Variants in UIMC1 observed in about 807,000 individuals in gnomAD.
UIMC1 encodes the protein BRCA1-A complex subunit RAP80.
UIMC1 carries 42 observed loss-of-function variants against 84.9 expected under a neutral mutation model. That is an observed-to-expected ratio of 0.49 (90% CI 0.39 to 0.64). UIMC1 has a LOEUF of 0.64. UIMC1 is among the 30% of genes least tolerant of loss of function. UIMC1 has a pLI of 0.00. For missense variants in UIMC1, 825 were observed against 847.6 expected (o/e 0.97, Z 0.33); for synonymous variants, 281 against 293.0 (o/e 0.96, Z 0.42).
intron 1 of UIMC1, among the ~76,000 whole-genome samples, chr5:177,004,010 T>G (rs1440249427): frequency 6.6e-6 from 1 of 152,148 alleles, no homozygotes; most frequent in African/African-American, 2.4e-5. Flanking sequence ...TTGTATTTTT[T>G]GTAGAGACTG....
chr5:176,913,004 TC>T (rs957238255), intron 10 of UIMC1, among the ~76,000 whole-genome samples: 5 of 152,128 alleles, frequency 3.3e-5, no homozygotes, highest in African/African-American at 9.7e-5. Context: ...GAAATTCACT[TC>T]CCCCTAGGGA....
chr5:176,989,302 A>G (rs907973493), intron 1 of UIMC1, among the ~76,000 whole-genome samples: 11 of 152,160 alleles, frequency 7.2e-5, no homozygotes, highest in Non-Finnish European at 1.3e-4. Context: ...AAAACTCGAC[A>G]CACAAACGTC....
At chr5:176,973,047 T>C (rs1386098605) in intron 3 of UIMC1, among the ~76,000 whole-genome samples, 2 of 151,596 alleles carry the variant, frequency 1.3e-5, no homozygotes, top group Non-Finnish European at 2.9e-5. Context: ...TCCGAAGTAG[T>C]TGGGATTATA....
chr5:176,982,489 T>C lies in UIMC1; in HGVS notation c.127A>G (p.Ile43Val). The C allele has an allele frequency of 1.2e-6, 2 of 1,613,842 alleles. No individual in the cohort carries two copies. Among genetic ancestry groups the C allele is most frequent in the Non-Finnish European group, 1.7e-6 (2 of 1,179,952 alleles). The change falls in exon 2 of 15, where the codon ATA (isoleucine) becomes GTA (valine). Residue 43 changes from isoleucine to valine, a missense_variant. Physicochemically the swap from Ile to Val is conservative, Grantham distance 29. Coordinates refer to ENST00000511320, the MANE Select transcript of UIMC1 (RefSeq NM_001199298.2). ...KRRLEDAFIV[I>V]SDSDGEEPKE... ...CTAACCTCTCCATCACTATCGGATA[T>C]CACAATGAATGCATCCTCAAGTCTA...
chr5:176,979,617 A>G (rs1421554399), intron 2 of UIMC1, among the ~76,000 whole-genome samples: 1 of 151,884 alleles, frequency 6.6e-6, no homozygotes, highest in African/African-American at 2.4e-5. Context: ...AAAAAAAAAG[A>G]AAGGTGGAAA....
intron 1 of UIMC1, among the ~76,000 whole-genome samples, chr5:177,018,654 G>C (rs1775724076): frequency 6.6e-6 from 1 of 152,146 alleles, no homozygotes; most frequent in Non-Finnish European, 1.5e-5. Context: ...GCACTGCCAG[G>C]TCCCAGCAAG....
intron 9 of UIMC1, among the ~76,000 whole-genome samples, chr5:176,944,128 A>C (rs942856533): frequency 6.6e-6 from 1 of 152,214 alleles, no homozygotes; most frequent in Non-Finnish European, 1.5e-5. Flanking sequence ...AAAGAGCTCT[A>C]AGCCAAAAAC....
chr5:176,935,727 T>C (rs1001686512), intron 10 of UIMC1, among the ~76,000 whole-genome samples: 4 of 152,200 alleles, frequency 2.6e-5, no homozygotes, highest in Non-Finnish European at 5.9e-5. Flanking sequence ...CTTTGTCTAA[T>C]TTAAGAAATA....
At chr5:176,981,737 G>A (rs552483627) in intron 2 of UIMC1, among the ~76,000 whole-genome samples, 2 of 151,984 alleles carry the variant, frequency 1.3e-5, no homozygotes, top group Admixed American at 6.6e-5. Flanking sequence ...GGAGTGAGCT[G>A]AGCTAACACC....
At chr5:176,965,818 C>T (rs1768209280) in intron 6 of UIMC1, among the ~76,000 whole-genome samples, 1 of 152,214 alleles carries the variant, frequency 6.6e-6, no homozygotes, top group African/African-American at 2.4e-5. Flanking sequence ...TGACACAACA[C>T]AGAACTTGAC....
At chr5:176,986,489 C>T (rs1389524772) in intron 1 of UIMC1, among the ~76,000 whole-genome samples, 2 of 143,830 alleles carry the variant, frequency 1.4e-5, no homozygotes, top group African/African-American at 5.2e-5. Context: ...ATGATCATGC[C>T]GATGAACTTC....
chr5:176,919,755 T>C (rs1761467197), intron 10 of UIMC1, among the ~76,000 whole-genome samples: 1 of 152,230 alleles, frequency 6.6e-6, no homozygotes, highest in African/African-American at 2.4e-5. Flanking sequence ...TGCCTTGTTT[T>C]CCCCCACTGA....
chr5:176,923,900 G>GACACACACACAC (rs35583665), intron 10 of UIMC1, among the ~76,000 whole-genome samples: 2 of 145,584 alleles, frequency 1.4e-5, no homozygotes, highest in African/African-American at 2.5e-5. Flanking sequence ...CACACACACA[G>GACACACACACAC]ACACACACAC....
chr5:176,914,054 T>C lies in UIMC1; in HGVS notation c.1598-2665A>G, dbSNP rs796906510. ...CCATACCATACACCATACCATACCA[T>C]ACCATACCATACCATACCACACCAC... On this transcript the variant is annotated intron_variant, in intron 10 of 14. Coordinates refer to ENST00000511320, the MANE Select transcript of UIMC1 (RefSeq NM_001199298.2). Among the ~76,000 whole-genome samples, 1,285 of 134,764 alleles carry C rather than the reference T, an allele frequency of 9.5e-3. 8 individuals carry two copies. Among genetic ancestry groups the C allele is most frequent in the South Asian group, 0.026 (105 of 4,022 alleles). 88.4% of individuals were successfully genotyped at this position (134,764 alleles called of 152,430 possible).
chr5:176,933,511 C>T (rs1030849615), intron 10 of UIMC1, among the ~76,000 whole-genome samples: 22 of 150,746 alleles, frequency 1.5e-4, no homozygotes, highest in Admixed American at 1.3e-3. Context: ...CATTACAAGG[C>T]TCATTGCTAG....
chr5:176,958,320 A>G (rs946781340), intron 6 of UIMC1, among the ~76,000 whole-genome samples, 166 bp from the exon 7 acceptor site: 19 of 152,274 alleles, frequency 1.2e-4, no homozygotes, highest in African/African-American at 4.6e-4. Flanking sequence ...CACATCCTGT[A>G]AAGTCAGAAG....
Position 176,982,461 on chromosome 5 carries a change from T to C in UIMC1, c.147+8A>G. 1.9e-6 allele frequency: 3 copies of C among 1,610,706 alleles called. No homozygotes were observed. The highest frequency in any genetic ancestry group is 2.5e-6 in the Non-Finnish European group (3 of 1,179,224). On this transcript the variant is annotated splice_region_variant and intron_variant, in intron 2 of 14. Transcript: ENST00000511320. ...TACAGCTCTACTTTTCAGCTCTACT[T>C]CACTAACCTCTCCATCACTATCGGA...
intron 1 of UIMC1, among the ~76,000 whole-genome samples, chr5:176,997,489 C>T (rs62398697): frequency 0.13 from 20,054 of 152,000 alleles, 1,681 homozygotes; most frequent in East Asian, 0.19. Flanking sequence ...TCGAGACCAT[C>T]CTGGCTCACA....
At chr5:176,914,477 A>G (rs907497053) in intron 10 of UIMC1, among the ~76,000 whole-genome samples, 1 of 152,206 alleles carries the variant, frequency 6.6e-6, no homozygotes, top group African/African-American at 2.4e-5. Flanking sequence ...ATGTGCAAGT[A>G]ATTTGGGGAG....
Sources: gnomAD v4.1 joint callset for allele counts (sites outside exome capture counted in the v4.1 genomes callset) on GRCh38, gnomAD v4.1.1 for gene constraint, MANE v1.5 for transcripts, NCBI Gene and HGNC (gene_info 2026-07-23, HGNC 2026-07-21) for gene names.